The following CFAP97 variants were observed in gnomAD, a reference collection of about 807,000 sequenced individuals.
CFAP97 encodes cilia and flagella associated protein 97.
A neutral mutation model predicts 43.1 loss-of-function variants in CFAP97; 36 were observed. That is an observed-to-expected ratio of 0.84 (90% CI 0.64 to 1.10). The LOEUF is 1.10. Among genes scored for constraint, CFAP97 ranks in the 50% least tolerant of loss-of-function variants. The pLI, the probability that CFAP97 is intolerant of heterozygous loss-of-function variation, is 0.00. For synonymous variants in CFAP97, 228 were observed against 225.7 expected (o/e 1.01, Z -0.09); for missense variants, 657 against 620.3 (o/e 1.06, Z -0.63).
intron 2 of CFAP97, among the ~76,000 whole-genome samples, chr4:185,181,292 A>C (rs1036722211): frequency 8.6e-5 from 13 of 151,262 alleles, no homozygotes; most frequent in Non-Finnish European, 1.6e-4. Flanking sequence ...AATTAATTAA[A>C]TAAAAAGCAA....
intron 3 of CFAP97, among the ~76,000 whole-genome samples, chr4:185,172,727 T>C (rs1735349067): frequency 6.6e-6 from 1 of 151,930 alleles, no homozygotes; most frequent in South Asian, 2.1e-4. Context: ...TTAAAAAGTC[T>C]ATCAGCCTGG....
At chr4:185,175,627 C>T (rs559959117) in intron 3 of CFAP97, among the ~76,000 whole-genome samples, 159 bp downstream of exon 3, 2 of 152,274 alleles carry the variant, frequency 1.3e-5, no homozygotes, top group East Asian at 1.9e-4. Context: ...TCGTATCCTC[C>T]GGACTTACAG....
chr4:185,184,125 T>C (rs1298528082), intron 2 of CFAP97, among the ~76,000 whole-genome samples: 2 of 152,212 alleles, frequency 1.3e-5, no homozygotes, highest in Admixed American at 1.3e-4. Context: ...CCATGGTCCC[T>C]AGATCTGCAG....
At chr4:185,169,890 A>T in intron 3 of CFAP97, 5 of 987,084 alleles carry the variant, frequency 5.1e-6, no homozygotes, top group Non-Finnish European at 6.0e-6. Context: ...CCAGACAAGA[A>T]GGAAACCCCA....
chr4:185,192,834 G>C (rs989108864), intron 1 of CFAP97, among the ~76,000 whole-genome samples: 1 of 139,164 alleles, frequency 7.2e-6, no homozygotes, highest in African/African-American at 2.8e-5. Flanking sequence ...TCCGCCTCCC[G>C]GGTTCACGCC....
intron 3 of CFAP97, among the ~76,000 whole-genome samples, chr4:185,166,346 AT>A (rs1735072162): frequency 6.6e-6 from 1 of 152,186 alleles, no homozygotes; most frequent in Admixed American, 6.5e-5. Context: ...TCTCCAGTGT[AT>A]TCTACCAGCA....
In CFAP97 at chr4:185,190,434, C is replaced by T. The variant is rs754104347; in HGVS notation, c.763G>A (p.Val255Ile). Residue 255 changes from valine to isoleucine, a missense_variant, in exon 2 of 5, where the codon GTA (valine) becomes ATA (isoleucine). Transcript: ENST00000458385. ...PEESEDTVTDVSPLSTPDISP... is the reference protein window; with the variant it reads ...PEESEDTVTDISPLSTPDISP... Reference sequence around the variant, plus strand: ...ATGTCTGGAGTTGATAAGGGACTTACGTCAGTCACAGTATCTTCAGACTCC... The same window carrying T: ...ATGTCTGGAGTTGATAAGGGACTTATGTCAGTCACAGTATCTTCAGACTCC... The T allele has an allele frequency of 3.6e-5, 58 of 1,613,672 alleles. 1 individual carries two copies. The South Asian group carries it at 5.5e-4, about 15-fold the overall frequency.
At chr4:185,183,344 C>T (rs970492137) in intron 2 of CFAP97, among the ~76,000 whole-genome samples, 5 of 152,148 alleles carry the variant, frequency 3.3e-5, no homozygotes, top group Admixed American at 1.3e-4. Context: ...CTGATGGGCT[C>T]ACATGTTGTC....
chr4:185,162,984 A>G (rs2111307009), intron 4 of CFAP97, 59 bp from the exon 5 acceptor site: 1 of 1,442,710 alleles, frequency 6.9e-7, no homozygotes. Flanking sequence ...AGTCCAGACT[A>G]GTTTTTCTTC....
At chr4:185,188,698 G>T (rs1736106263) in intron 2 of CFAP97, among the ~76,000 whole-genome samples, 1 of 122,498 alleles carries the variant, frequency 8.2e-6, no homozygotes, top group Non-Finnish European at 1.9e-5. Context: ...TAATAGGATT[G>T]ATTTACTTTT....
At position 185,159,682 on chromosome 4, in the gene CFAP97, A is replaced by C. The variant is rs527625033; in HGVS notation, c.*3116T>G. ...AAACTCAGTTATCTTTAATTCTTTT[A>C]TTTCTTTCTTCATTATGCCAGGCTA... On this transcript the variant is annotated 3_prime_UTR_variant, in exon 5 of 5. Transcript: ENST00000458385. 1 of 152,108 alleles carries C rather than the reference A, an allele frequency of 6.6e-6. No homozygotes were observed. The highest frequency in any genetic ancestry group is 1.9e-4 in the East Asian group (1 of 5,174). 9.4% of individuals were successfully genotyped at this position (152,108 alleles called of 1,614,324 possible). A position where few individuals can be genotyped will look rare whatever the true frequency, so the allele number is the denominator to read the frequency against.
chr4:185,190,524 A>G lies in CFAP97; in HGVS notation c.673T>C (p.Ser225Pro). 6.2e-7 allele frequency: 1 copy of G among 1,613,824 alleles called. No homozygotes were observed. The highest frequency in any genetic ancestry group is 2.2e-5 in the East Asian group (1 of 44,860). Residue 225 changes from serine (S) to proline (P), a missense_variant, in exon 2 of 5, where the codon TCA (serine) becomes CCA (proline). Coordinates refer to ENST00000458385, the MANE Select transcript of CFAP97 (RefSeq NM_020827.3). ...TGTGTTTCTGTCGATTTTATTCCTG[A>G]TTTATACTTGTGTTTTGGTGACAGG... Reference protein sequence around the residue: ...TLLSPKHKYKSGIKSTETQPS... With the variant: ...TLLSPKHKYKPGIKSTETQPS...
rs1736614799 is a variant in CFAP97, at chr4:185,197,581, C to G, written c.-17+6317G>C. ...TAGCTGGAATTACAGGCACGTGCCA[C>G]CACACCCGGCTAATTTTTGTATTTT... is the stretch of plus-strand genomic sequence containing the variant. On this transcript the variant is annotated intron_variant, in intron 1 of 4. Transcript: ENST00000458385. 2.0e-5 allele frequency among the ~76,000 whole-genome samples: 3 copies of G among 152,260 alleles called. No homozygotes were observed. The South Asian group carries it at 6.2e-4, about 32-fold the overall frequency.
chr4:185,169,203 T>C (rs909052493), intron 3 of CFAP97: 1 of 152,184 alleles, frequency 6.6e-6, no homozygotes, highest in Non-Finnish European at 1.5e-5. Context: ...TATATACCTA[T>C]TGATACGGTC....
At chr4:185,197,552 C>T (rs1335171103) in intron 1 of CFAP97, among the ~76,000 whole-genome samples, 6 of 152,086 alleles carry the variant, frequency 3.9e-5, no homozygotes, top group African/African-American at 1.2e-4. Context: ...CTCAGCCTCC[C>T]GAGTAGCTGG....
chr4:185,164,157 G>C lies in CFAP97; in HGVS notation c.1343C>G (p.Ala448Gly). ...ENLALLKRLEAVKPTVGMKRS... is the reference protein window; with the variant it reads ...ENLALLKRLEGVKPTVGMKRS... ...TTTCATACCAACTGTTGGTTTCACG[G>C]CCTCAAGCCTTTTCAATAAAGCCTT... The change falls in exon 4 of 5, where the codon GCC becomes GGC. Residue 448 changes from alanine to glycine, a missense_variant. By Grantham distance (60) the Ala-to-Gly change is moderately conservative. Transcript: ENST00000458385. 1.2e-5 allele frequency: 19 copies of C among 1,613,764 alleles called. No homozygotes were observed. Among genetic ancestry groups the C allele is most frequent in the Non-Finnish European group, 1.4e-5 (17 of 1,179,796 alleles).
chr4:185,198,789 C>CA (rs58603330), intron 1 of CFAP97, among the ~76,000 whole-genome samples: 3 of 124,312 alleles, frequency 2.4e-5, no homozygotes, highest in African/African-American at 2.9e-5. Flanking sequence ...AACTCCATCT[C>CA]AAAAAAAAGA....
intron 1 of CFAP97, among the ~76,000 whole-genome samples, chr4:185,195,992 T>G (rs1003610519): frequency 2.0e-5 from 3 of 152,316 alleles, no homozygotes; most frequent in Admixed American, 6.5e-5. Flanking sequence ...CTTACTTTGT[T>G]GTGTGGTTAA....
chr4:185,165,604 A>G (rs1254076811), intron 3 of CFAP97, among the ~76,000 whole-genome samples: 1 of 152,216 alleles, frequency 6.6e-6, no homozygotes, highest in Non-Finnish European at 1.5e-5. Context: ...CAAAGGGAGT[A>G]CTGACCTGCA....
Sources: gnomAD v4.1 joint callset for allele counts (sites outside exome capture counted in the v4.1 genomes callset) on GRCh38, gnomAD v4.1.1 for gene constraint, MANE v1.5 for transcripts, NCBI Gene and HGNC (gene_info 2026-07-23, HGNC 2026-07-21) for gene names.